ANO6: variants seen among roughly 807,000 people sequenced by gnomAD.
ANO6 encodes anoctamin-6.
A neutral mutation model predicts 117.5 loss-of-function variants in ANO6; 106 were observed. The ratio of observed to expected loss-of-function variants is 0.90; its 90% CI spans 0.77 to 1.06. ANO6 has a LOEUF of 1.06. Among genes scored for constraint, ANO6 ranks in the 50% least tolerant of loss-of-function variants. The pLI, the probability that ANO6 is intolerant of heterozygous loss-of-function variation, is 0.00. For missense variants in ANO6, 955 were observed against 1,121.1 expected, an observed-to-expected ratio of 0.85 and a Z score of 2.12; for synonymous variants, 367 against 385.1, an observed-to-expected ratio of 0.95 and a Z score of 0.55.
In ANO6 at chr12:45,421,271, C is replaced by T. The variant is rs374562590; in HGVS notation, c.2418C>T (p.Cys806=). The T allele has an allele frequency of 5.2e-5, 84 of 1,613,786 alleles. No individual in the cohort carries two copies. Among genetic ancestry groups the T allele is most frequent in the Non-Finnish European group, 6.4e-5 (76 of 1,179,850 alleles). ...PYSDLGNHTT[C]RYRDFRYPPG... is the part of the protein sequence containing the mutation. ...CTGACCTGGGTAACCATACCACATG[C>T]AGGCAAGTTCTGCTTTACTTGTTTA... is the stretch of plus-strand genomic sequence containing the variant. Residue 806 remains cysteine, a splice_region_variant and synonymous_variant, in exon 18 of 20, where the codon TGC becomes TGT. Coordinates refer to ENST00000320560, the MANE Select transcript of ANO6 (RefSeq NM_001025356.3).
chr12:45,326,814 C>T (rs895267430), intron 2 of ANO6, among the ~76,000 whole-genome samples: 3 of 152,198 alleles, frequency 2.0e-5, no homozygotes, highest in Non-Finnish European at 4.4e-5. Flanking sequence ...TACCAGGGTT[C>T]ACAGTGGCTG....
intron 2 of ANO6, among the ~76,000 whole-genome samples, chr12:45,309,060 A>G: frequency 6.6e-6 from 1 of 152,140 alleles, no homozygotes; most frequent in East Asian, 1.9e-4. Flanking sequence ...GGATTCTTAA[A>G]TAAGTTCTTT....
At chr12:45,436,402 CA>C (rs148211075), downstream of ANO6, among the ~76,000 whole-genome samples, 692 of 152,268 alleles carry the variant, frequency 4.5e-3, 6 homozygotes, top group African/African-American at 0.016. Context: ...TTTATTTCCA[CA>C]AAGGCATTTA....
intron 12 of ANO6, among the ~76,000 whole-genome samples, chr12:45,394,132 A>T (rs1021682409): frequency 6.6e-6 from 1 of 152,218 alleles, no homozygotes; most frequent in African/African-American, 2.4e-5. Context: ...ATAGGCTCAA[A>T]ATAAAGGGAT....
chr12:45,416,712 G>A lies in ANO6; in HGVS notation c.2025G>A (p.Gly675=). 6.2e-7 allele frequency: 1 copy of A among 1,613,994 alleles called. No homozygotes were observed. The highest frequency in any genetic ancestry group is 8.5e-7 in the Non-Finnish European group (1 of 1,179,958). The change falls in exon 17 of 20, where the codon GGG becomes GGA. Residue 675 remains glycine, a synonymous_variant. Transcript: ENST00000320560. The part of the protein sequence containing the change: ...YEYLEMIIQF[G]FVTLFVASFP... ...TTCCATTGACAGTTATTCAGTTTGG[G>A]TTCGTCACCTTATTTGTGGCCTCTT...
At chr12:45,330,075 T>C (rs1283911455) in intron 2 of ANO6, among the ~76,000 whole-genome samples, 1 of 152,086 alleles carries the variant, frequency 6.6e-6, no homozygotes, top group Non-Finnish European at 1.5e-5. Flanking sequence ...GTGCTTAGAA[T>C]TCCTGGTTAA....
Position 45,289,775 on chromosome 12 carries a change from T to G in ANO6, c.71-12239T>G, listed in dbSNP as rs531651948. Among the ~76,000 whole-genome samples, 46 of 152,328 alleles carry G rather than the reference T, an allele frequency of 3.0e-4. 1 individual carries two copies. The highest frequency in any genetic ancestry group is 6.8e-3 in the Middle Eastern group (2 of 294). On this transcript the variant is annotated intron_variant, in intron 1 of 19. Transcript: ENST00000320560. ...CCTATGGGGTCTTTCCCTTTTCCAG[T>G]CAATTAGTTTTTCATTTGAAGGTAA...
intron 9 of ANO6, among the ~76,000 whole-genome samples, chr12:45,370,379 C>A (rs1941792318): frequency 6.6e-6 from 1 of 152,210 alleles, no homozygotes; most frequent in South Asian, 2.1e-4. Flanking sequence ...CTGATCTTGA[C>A]ATTGGCAGTA....
At chr12:45,403,624 G>A (rs1397134342) in intron 15 of ANO6, 88 bp downstream of exon 15, 4 of 1,075,006 alleles carry the variant, frequency 3.7e-6, no homozygotes, top group Non-Finnish European at 4.3e-6. Flanking sequence ...TAGCCACATA[G>A]CCACATAGCT....
chr12:45,319,545 G>A (rs1271520489), intron 2 of ANO6, among the ~76,000 whole-genome samples: 5 of 152,132 alleles, frequency 3.3e-5, no homozygotes, highest in African/African-American at 9.7e-5. Context: ...TTTTCACATC[G>A]ATGTTCATCA....
At chr12:45,312,061 T>C (rs566191522) in intron 2 of ANO6, among the ~76,000 whole-genome samples, 8 of 152,180 alleles carry the variant, frequency 5.3e-5, no homozygotes, top group African/African-American at 1.9e-4. Context: ...AAATGTCTCA[T>C]GAATTCCCAC....
intron 13 of ANO6, among the ~76,000 whole-genome samples, chr12:45,402,471 G>A (rs1240923206): frequency 6.6e-6 from 1 of 152,098 alleles, no homozygotes; most frequent in Non-Finnish European, 1.5e-5. Flanking sequence ...TTTTTAATGT[G>A]TTTCTTCTCT....
chr12:45,294,205 G>T (rs556192467), intron 1 of ANO6, among the ~76,000 whole-genome samples: 1 of 152,234 alleles, frequency 6.6e-6, no homozygotes, highest in East Asian at 1.9e-4. Context: ...TTTGGATTGG[G>T]GAATTGAACT....
At chr12:45,303,139 A>G (rs1939552984) in intron 2 of ANO6, among the ~76,000 whole-genome samples, 1 of 152,196 alleles carries the variant, frequency 6.6e-6, no homozygotes, top group Non-Finnish European at 1.5e-5. Context: ...ATGCCATTTT[A>G]TTTCAAAGTG....
chr12:45,415,731 G>A (rs1195774746), intron 16 of ANO6, among the ~76,000 whole-genome samples: 1 of 152,178 alleles, frequency 6.6e-6, no homozygotes, highest in Admixed American at 6.5e-5. Flanking sequence ...CTGACCAGAA[G>A]CAAATGCCAG....
Position 45,403,530 on chromosome 12 carries a change from T to G in ANO6, c.1874T>G (p.Leu625Ter), listed in dbSNP as rs1942853161. ...KAIWNNIQEVLLPWIMNLIGR... is the reference protein window; with the variant it reads ...KAIWNNIQEV ...ATCTGGAATAACATACAAGAAGTATTATTGCCGTGAGTGTTAAATTGTATA... is the reference window on the plus strand; with the variant it reads ...ATCTGGAATAACATACAAGAAGTATGATTGCCGTGAGTGTTAAATTGTATA... The change falls in exon 15 of 20, where the codon TTA (leucine) becomes TGA (stop). Residue 625 changes from leucine to a stop codon, truncating the protein, a stop_gained. Transcript: ENST00000320560. LOFTEE classifies it high-confidence loss of function. The G allele has an allele frequency of 1.9e-6, 3 of 1,610,298 alleles. No homozygotes were observed. The highest frequency in any genetic ancestry group is 2.5e-6 in the Non-Finnish European group (3 of 1,176,752).
chr12:45,241,992 G>A (rs1376349367), intron 1 of ANO6, among the ~76,000 whole-genome samples: 1 of 152,192 alleles, frequency 6.6e-6, no homozygotes, highest in Non-Finnish European at 1.5e-5. Context: ...TGCCCCTACT[G>A]GAAAGCATCT....
intron 10 of ANO6, 108 bp downstream of exon 10, chr12:45,378,221 A>C (rs144076281): frequency 0.018 from 18,466 of 1,048,388 alleles, 185 homozygotes; most frequent in Non-Finnish European, 0.022. Context: ...CCAGGCTTCA[A>C]CTCCCCTAGA....
intron 1 of ANO6, among the ~76,000 whole-genome samples, chr12:45,240,089 G>A (rs993167778): frequency 6.6e-6 from 1 of 151,900 alleles, no homozygotes; most frequent in Non-Finnish European, 1.5e-5. Context: ...GTTAACCTTC[G>A]TTCTCGTTGA....
Sources: gnomAD v4.1 joint callset for allele counts (sites outside exome capture counted in the v4.1 genomes callset) on GRCh38, gnomAD v4.1.1 for gene constraint, MANE v1.5 for transcripts, NCBI Gene and HGNC (gene_info 2026-07-23, HGNC 2026-07-21) for gene names.